The following TBC1D1 variants were observed in gnomAD, a reference collection of about 807,000 sequenced individuals.
TBC1D1 encodes TBC1 (tre-2/USP6, BUB2, cdc16) domain family, member 1.
Under a neutral mutation model 125.6 loss-of-function variants are expected in TBC1D1, and 89 were observed. The observed-to-expected ratio is 0.71, with a 90% confidence interval of 0.60 to 0.85. The LOEUF (loss-of-function observed/expected upper bound fraction) is 0.85, where lower values mean the gene tolerates loss of function less well. Among genes scored for constraint, TBC1D1 ranks in the 40% least tolerant of loss-of-function variants. The probability of loss-of-function intolerance (pLI) is 0.00; values close to 1 mark genes in which losing one functional copy is unlikely to be tolerated. For synonymous variants in TBC1D1, 565 were observed against 564.1 expected (o/e 1.00, Z -0.02); for missense variants, 1,377 against 1,469.2 (o/e 0.94, Z 1.03).
chr4:37,918,578 G>A (rs1720215295), intron 2 of TBC1D1, among the ~76,000 whole-genome samples: 1 of 151,942 alleles, frequency 6.6e-6, no homozygotes, highest in Non-Finnish European at 1.5e-5. Flanking sequence ...CTCCTGAGTA[G>A]CTGGGATTAC....
intron 19 of TBC1D1, 80 bp from the exon 22 acceptor site, chr4:38,137,055 G>A: frequency 5.0e-6 from 8 of 1,601,960 alleles, no homozygotes; most frequent in Non-Finnish European, 6.8e-6. Context: ...GTGCTCCCAA[G>A]GCTGGACAGC....
At chr4:38,108,977 GAC>G (rs1761789654) in intron 15 of TBC1D1, among the ~76,000 whole-genome samples, 2 of 152,304 alleles carry the variant, frequency 1.3e-5, no homozygotes, top group South Asian at 4.1e-4. Context: ...GCTCGGCCAG[GAC>G]ACACAGAGCA....
chr4:37,979,427 G>A (rs572056357), intron 2 of TBC1D1, among the ~76,000 whole-genome samples: 9 of 152,340 alleles, frequency 5.9e-5, no homozygotes, highest in African/African-American at 2.2e-4. Context: ...GTTATAGATT[G>A]TAAGAATGAT....
At chr4:37,916,632 G>A (rs1430663261) in intron 2 of TBC1D1, among the ~76,000 whole-genome samples, 1 of 152,166 alleles carries the variant, frequency 6.6e-6, no homozygotes, top group Non-Finnish European at 1.5e-5. Flanking sequence ...TCTGGAGAAA[G>A]TCAGGACTCA....
rs543763126 is a variant in TBC1D1, at chr4:37,955,738, G to A, written c.417+53226G>A. 3.3e-5 allele frequency among the ~76,000 whole-genome samples: 5 copies of A among 152,294 alleles called. No homozygotes were observed. In the East Asian group the frequency reaches 9.6e-4, roughly 29 times the overall value. ...GTGACTCTTTTTTACAAAAATTTCT[G>A]CCCTTTGTTATGAGCACCTGTGGTC... On this transcript the variant is annotated intron_variant, in intron 2 of 19. Coordinates refer to ENST00000261439, the MANE Select transcript of TBC1D1 (RefSeq NM_015173.4).
At position 37,977,214 on chromosome 4, in the gene TBC1D1, C is replaced by G. The variant is rs1733287813; in HGVS notation, c.418-37295C>G. The G allele has an allele frequency of 6.6e-6, 1 of 151,682 alleles. No homozygotes were observed. The highest frequency in any genetic ancestry group is 1.5e-5 in the Non-Finnish European group (1 of 67,836). The allele number at this position is 151,682 out of a possible 1,614,324, so 9.4% of individuals were successfully genotyped here. ...GCCAGCAGCGGAGCGCGGGGGTGGGCGGGGTCGGCTGCGCGCCCTCCCCTC... is the reference window on the plus strand; with the variant it reads ...GCCAGCAGCGGAGCGCGGGGGTGGGGGGGGTCGGCTGCGCGCCCTCCCCTC... On this transcript the variant is annotated intron_variant, in intron 2 of 19. Coordinates refer to ENST00000261439, the MANE Select transcript of TBC1D1 (RefSeq NM_015173.4). The surrounding 1 kb of genome is among the most constrained non-coding windows in gnomAD (Gnocchi z 4.3).
rs1209760033 is a variant in TBC1D1, at chr4:37,891,321, C to T, written c.-121C>T. 2 of 152,408 alleles carry T rather than the reference C, an allele frequency of 1.3e-5. No homozygotes were observed. The highest frequency in any genetic ancestry group is 1.9e-4 in the East Asian group (1 of 5,182). 9.4% of individuals were successfully genotyped at this position (152,408 alleles called of 1,614,324 possible). ...AAGCACCTGCGCGTCCCGGCCCGGC[C>T]CCGGGCTCTGAGCGCGCCGCGGCAC... On this transcript the variant is annotated 5_prime_UTR_variant, in exon 1 of 20. Transcript: ENST00000261439.
intron 1 of TBC1D1, among the ~76,000 whole-genome samples, chr4:37,897,034 C>T (rs1047211333): frequency 4.6e-5 from 7 of 151,916 alleles, no homozygotes; most frequent in African/African-American, 7.3e-5. Flanking sequence ...CTAACAAGAA[C>T]GTTACTAGAA....
intron 2 of TBC1D1, among the ~76,000 whole-genome samples, chr4:37,935,346 G>A (rs1219952986): frequency 6.6e-6 from 1 of 152,088 alleles, no homozygotes; most frequent in African/African-American, 2.4e-5. Context: ...AACTGAACAT[G>A]CTCAACTGAA....
At chr4:37,968,861 G>A (rs1731534494) in intron 2 of TBC1D1, among the ~76,000 whole-genome samples, 1 of 152,176 alleles carries the variant, frequency 6.6e-6, no homozygotes, top group South Asian at 2.1e-4. Context: ...CAAGCCTGGG[G>A]ACGAATTTCT....
intron 9 of TBC1D1, among the ~76,000 whole-genome samples, chr4:38,045,524 GTGGGC>G (rs1414210234): frequency 6.6e-6 from 1 of 152,182 alleles, no homozygotes; most frequent in Non-Finnish European, 1.5e-5. Flanking sequence ...TAGTTGCTGA[GTGGGC>G]TTGAGCACTT....
intron 2 of TBC1D1, among the ~76,000 whole-genome samples, chr4:37,948,938 A>G (rs1281035016): frequency 2.0e-5 from 3 of 152,230 alleles, no homozygotes; most frequent in Admixed American, 2.0e-4. Context: ...ATGTTGTAGC[A>G]TATATCAGTA....
intron 12 of TBC1D1, among the ~76,000 whole-genome samples, chr4:38,081,574 G>A (rs1220830580): frequency 1.3e-5 from 2 of 152,112 alleles, no homozygotes; most frequent in African/African-American, 4.8e-5. Context: ...GTCTGATTGC[G>A]AAGAAGTCTA....
intron 19 of TBC1D1, among the ~76,000 whole-genome samples, chr4:38,135,854 A>G (rs75476050): frequency 0.039 from 2,729 of 69,118 alleles, 67 homozygotes; most frequent in African/African-American, 0.11. Context: ...ATATATATAT[A>G]TGTGTGTGTG....
chr4:37,977,578 C>A lies in TBC1D1; in HGVS notation c.418-36931C>A. 1 of 603,418 alleles carries A rather than the reference C, an allele frequency of 1.7e-6. No homozygotes were observed. Among genetic ancestry groups the A allele is most frequent in the South Asian group, 6.9e-5 (1 of 14,426 alleles). The allele number at this position is 603,418 out of a possible 1,614,324, so 37.4% of individuals were successfully genotyped here. A position where few individuals can be genotyped will look rare whatever the true frequency, so the allele number is the denominator to read the frequency against. ...CGTTACCGGAGCGGAGCGGCAGGCG[C>A]GGGGCTGGAACATTTGTAACCTTCG... On this transcript the variant is annotated intron_variant, in intron 2 of 19. Transcript: ENST00000261439. The surrounding 1 kb of genome is among the most constrained non-coding windows in gnomAD (Gnocchi z 4.3).
intron 16 of TBC1D1, among the ~76,000 whole-genome samples, chr4:38,116,708 C>T (rs147090737): frequency 6.6e-6 from 1 of 152,282 alleles, no homozygotes; most frequent in East Asian, 1.9e-4. Context: ...TTGCAAATAC[C>T]ACGTGCTGCT....
intron 8 of TBC1D1, among the ~76,000 whole-genome samples, chr4:38,040,392 G>A (rs1748120205): frequency 6.6e-6 from 1 of 152,146 alleles, no homozygotes; most frequent in African/African-American, 2.4e-5. Context: ...GGGTTCAAGC[G>A]ATTCTCCTGC....
At position 38,053,088 on chromosome 4, in the gene TBC1D1, T is replaced by C. The variant is rs895959610; in HGVS notation, c.1911-1111T>C. Reference sequence around the variant, plus strand: ...TATGTTTCTTTATCCTAAACTCTTTTTTCAACCAAACTCTTAGCATCTCCT... The same window carrying C: ...TATGTTTCTTTATCCTAAACTCTTTCTTCAACCAAACTCTTAGCATCTCCT... On this transcript the variant is annotated intron_variant, in intron 11 of 19. Coordinates refer to ENST00000261439, the MANE Select transcript of TBC1D1 (RefSeq NM_015173.4). 2 of 1,401,220 alleles carry C rather than the reference T, an allele frequency of 1.4e-6. No homozygotes were observed. The highest frequency in any genetic ancestry group is 3.4e-5 in the Admixed American group (1 of 29,330). 86.8% of individuals were successfully genotyped at this position (1,401,220 alleles called of 1,614,324 possible).
intron 12 of TBC1D1, among the ~76,000 whole-genome samples, chr4:38,073,862 C>G (rs890874834): frequency 1.3e-5 from 2 of 152,140 alleles, no homozygotes; most frequent in East Asian, 1.9e-4. Flanking sequence ...AAAAGAGCCT[C>G]CTCCATGAAT....
Sources: allele counts gnomAD v4.1 joint callset (sites outside exome capture counted in the v4.1 genomes callset), GRCh38; gene constraint gnomAD v4.1.1; non-coding constraint Gnocchi (gnomAD v3.1); transcripts MANE v1.5; gene names NCBI Gene and HGNC (gene_info 2026-07-23, HGNC 2026-07-21).